The following FAM135B variants were observed in gnomAD, a reference collection of about 807,000 sequenced individuals.
FAM135B encodes protein FAM135B.
Under a neutral mutation model 127.7 loss-of-function variants are expected in FAM135B, and 43 were observed. That is an observed-to-expected ratio of 0.34 (90% CI 0.26 to 0.43). The LOEUF is 0.43. Among genes scored for constraint, FAM135B ranks in the 20% least tolerant of loss-of-function variants. The pLI is 1.00. For synonymous variants in FAM135B, 670 were observed against 665.1 expected (o/e 1.01, Z -0.11); for missense variants, 1,558 against 1,725.6 (o/e 0.90, Z 1.72).
intron 1 of FAM135B, among the ~76,000 whole-genome samples, chr8:138,378,683 A>T (rs1326923067): frequency 2.0e-5 from 3 of 152,040 alleles, no homozygotes; most frequent in Non-Finnish European, 4.4e-5. Flanking sequence ...TAATGTTGAA[A>T]AGTATTTTCT....
chr8:138,192,951 A>G (rs973365702), intron 9 of FAM135B, among the ~76,000 whole-genome samples: 1 of 152,198 alleles, frequency 6.6e-6, no homozygotes, highest in Non-Finnish European at 1.5e-5. Context: ...GTTCATAAAG[A>G]TTAAGCAACT....
intron 7 of FAM135B, among the ~76,000 whole-genome samples, chr8:138,222,266 TATAACAGG>T (rs1390059136): frequency 6.6e-6 from 1 of 151,944 alleles, no homozygotes; most frequent in Non-Finnish European, 1.5e-5. Context: ...ATAAAAGGGG[TATAACAGG>T]ATGACAGAAA....
intron 2 of FAM135B, among the ~76,000 whole-genome samples, chr8:138,363,949 T>G (rs74977441): frequency 6.6e-6 from 1 of 152,040 alleles, no homozygotes; most frequent in Non-Finnish European, 1.5e-5. Flanking sequence ...AATCCCCAAC[T>G]CTAATTTTTA....
At chr8:138,215,259 T>A (rs536130346) in intron 7 of FAM135B, among the ~76,000 whole-genome samples, 7 of 152,208 alleles carry the variant, frequency 4.6e-5, no homozygotes, top group Non-Finnish European at 1.0e-4. Context: ...GAGGGAAAAC[T>A]AATAGATTCC....
intron 2 of FAM135B, among the ~76,000 whole-genome samples, chr8:138,331,877 G>C (rs1828205864): frequency 1.3e-5 from 2 of 152,132 alleles, no homozygotes; most frequent in Non-Finnish European, 2.9e-5. Context: ...ATGATGGGCT[G>C]CTCTTCTGCG....
At chr8:138,471,121 G>A (rs758243565) in intron 1 of FAM135B, among the ~76,000 whole-genome samples, 22 of 152,176 alleles carry the variant, frequency 1.4e-4, no homozygotes, top group Non-Finnish European at 2.6e-4. Flanking sequence ...AAGGTGAGAG[G>A]GGCAGGATAT....
chr8:138,261,476 T>C (rs1822534264), intron 4 of FAM135B, among the ~76,000 whole-genome samples: 1 of 152,196 alleles, frequency 6.6e-6, no homozygotes, highest in South Asian at 2.1e-4. Context: ...CCAGAGGGTG[T>C]TTGTGCATTT....
chr8:138,153,225 A>G lies in FAM135B; in HGVS notation c.1259-9T>C. ...AACACTCAAGTTATGCCCTACAAAA[A>G]AAAAAGAAAGAAAATTATATTATAG... On this transcript the variant is annotated splice_polypyrimidine_tract_variant and intron_variant, in intron 12 of 19. Coordinates refer to ENST00000395297, the MANE Select transcript of FAM135B (RefSeq NM_015912.4). 3 of 1,523,954 alleles carry G rather than the reference A, an allele frequency of 2.0e-6. No homozygotes were observed. The highest frequency in any genetic ancestry group is 1.3e-5 in the South Asian group (1 of 75,892). 94.4% of individuals were successfully genotyped at this position (1,523,954 alleles called of 1,614,324 possible). A position where few individuals can be genotyped will look rare whatever the true frequency, so the allele number is the denominator to read the frequency against.
At chr8:138,314,544 C>T (rs1826926851) in intron 2 of FAM135B, among the ~76,000 whole-genome samples, 1 of 152,000 alleles carries the variant, frequency 6.6e-6, no homozygotes, top group South Asian at 2.1e-4. Flanking sequence ...TGTTCATACA[C>T]AAAAAGCAAA....
At chr8:138,257,505 A>C (rs909127874) in intron 4 of FAM135B, among the ~76,000 whole-genome samples, 3 of 152,026 alleles carry the variant, frequency 2.0e-5, no homozygotes, top group African/African-American at 7.2e-5. Context: ...TCTTTTTCTC[A>C]CATCACCCCC....
intron 1 of FAM135B, among the ~76,000 whole-genome samples, chr8:138,380,094 T>G (rs1213265848): frequency 2.6e-5 from 4 of 152,230 alleles, no homozygotes; most frequent in African/African-American, 9.6e-5. Flanking sequence ...CATGAAGGCA[T>G]CAGCAGGCTT....
intron 2 of FAM135B, among the ~76,000 whole-genome samples, chr8:138,356,651 G>A (rs1830108368): frequency 6.6e-6 from 1 of 152,106 alleles, no homozygotes; most frequent in Admixed American, 6.6e-5. Context: ...GATGGTGAAA[G>A]CAAAGATCTC....
intron 1 of FAM135B, among the ~76,000 whole-genome samples, chr8:138,446,405 C>T (rs77720125): frequency 0.52 from 78,954 of 151,044 alleles, 21,331 homozygotes; most frequent in African/African-American, 0.64. Context: ...CTTCAAACTA[C>T]ACTACAAGGC....
intron 9 of FAM135B, among the ~76,000 whole-genome samples, chr8:138,188,467 G>T (rs1815787036): frequency 1.3e-5 from 2 of 152,196 alleles, no homozygotes; most frequent in Non-Finnish European, 2.9e-5. Context: ...AGTTGGCAAG[G>T]TTGTTGGTGT....
intron 1 of FAM135B, among the ~76,000 whole-genome samples, chr8:138,430,532 G>T (rs1835138743): frequency 6.6e-6 from 1 of 152,102 alleles, no homozygotes; most frequent in Admixed American, 6.6e-5. Flanking sequence ...TCTCTCTCCT[G>T]CTGGGCAGGT....
chr8:138,317,732 T>C (rs1168348091), intron 2 of FAM135B, among the ~76,000 whole-genome samples: 1 of 152,240 alleles, frequency 6.6e-6, no homozygotes, highest in African/African-American at 2.4e-5. Flanking sequence ...AAAATGAAAT[T>C]GTAAGAAAAC....
intron 9 of FAM135B, among the ~76,000 whole-genome samples, chr8:138,180,856 T>G (rs1471049117): frequency 2.0e-5 from 3 of 152,138 alleles, no homozygotes; most frequent in African/African-American, 7.2e-5. Context: ...GATGGAAGCT[T>G]TACTTCCAGC....
At chr8:138,474,466 T>C (rs1814278341) in intron 1 of FAM135B, among the ~76,000 whole-genome samples, 1 of 152,150 alleles carries the variant, frequency 6.6e-6, no homozygotes, top group South Asian at 2.1e-4. Flanking sequence ...ACTTCCTCCC[T>C]CATGCCAGTT....
chr8:138,213,174 C>A (rs1318070297), intron 7 of FAM135B, among the ~76,000 whole-genome samples: 1 of 152,084 alleles, frequency 6.6e-6, no homozygotes, highest in Non-Finnish European at 1.5e-5. Context: ...TGTGAAAATG[C>A]TGAATAGAAC....
Sources: allele counts gnomAD v4.1 joint callset (sites outside exome capture counted in the v4.1 genomes callset), GRCh38; gene constraint gnomAD v4.1.1; transcripts MANE v1.5; gene names NCBI Gene and HGNC (gene_info 2026-07-23, HGNC 2026-07-21).